DGKK: variants seen among roughly 807,000 people sequenced by gnomAD.
The protein encoded by DGKK is diacylglycerol kinase kappa, also known as 142 kDa diacylglycerol kinase.
DGKK carries 35 observed loss-of-function variants against 92.2 expected under a neutral mutation model. That is an observed-to-expected ratio of 0.38 (90% CI 0.29 to 0.50). The LOEUF is 0.50. Among genes scored for constraint, DGKK ranks in the 20% least tolerant of loss-of-function variants. DGKK has a pLI of 0.92. For missense variants in DGKK, 910 were observed against 992.2 expected, an observed-to-expected ratio of 0.92 and a Z score of 1.11; for synonymous variants, 368 against 360.6, an observed-to-expected ratio of 1.02 and a Z score of -0.23.
In DGKK at chrX:50,470,190, T is replaced by C; in HGVS notation, c.489A>G (p.Pro163=). The C allele has an allele frequency of 3.3e-6, 4 of 1,211,960 alleles. No individual in the cohort carries two copies. The highest frequency in any genetic ancestry group is 4.5e-6 in the Non-Finnish European group (4 of 895,434). Reference sequence around the variant, plus strand: ...CTGGAGCCGCCTCAGGGCAGAACTCTGGGGCCAGCTCTGTCACAGGTTCTG... The same window carrying C: ...CTGGAGCCGCCTCAGGGCAGAACTCCGGGGCCAGCTCTGTCACAGGTTCTG... ...PTPEPVTELA[P]EFCPEAAPEF... Residue 163 remains proline, a synonymous_variant, in exon 1 of 28, where the codon CCA becomes CCG. Transcript: ENST00000611977.
At chrX:50,468,263 T>C (rs1029029897) in intron 1 of DGKK, among the ~76,000 whole-genome samples, 6 of 111,851 alleles carry the variant, frequency 5.4e-5, no homozygotes, top group Non-Finnish European at 9.4e-5. Flanking sequence ...AAAGGGGAGA[T>C]GCATTCTCTG....
intron 4 of DGKK, among the ~76,000 whole-genome samples, chrX:50,417,926 T>C (rs1434239794): frequency 9.0e-6 from 1 of 111,480 alleles, no homozygotes; most frequent in Admixed American, 9.6e-5. Flanking sequence ...CAAGACATAC[T>C]TCTTGGACTC....
At chrX:50,407,697 C>T (rs1461908067) in intron 4 of DGKK, among the ~76,000 whole-genome samples, 2 of 111,717 alleles carry the variant, frequency 1.8e-5, no homozygotes, top group Non-Finnish European at 3.8e-5. Context: ...CATAACAGAA[C>T]TATTAAGCAA....
At chrX:50,434,760 C>T (rs1018140161) in intron 1 of DGKK, among the ~76,000 whole-genome samples, 2 of 111,325 alleles carry the variant, frequency 1.8e-5, no homozygotes, top group African/African-American at 6.5e-5. Context: ...AACTTTGTAA[C>T]AATATGCTGG....
intron 1 of DGKK, among the ~76,000 whole-genome samples, chrX:50,432,004 C>T (rs782040857): frequency 1.3e-3 from 143 of 111,990 alleles, no homozygotes; most frequent in African/African-American, 4.3e-3. Context: ...CTGCTGCCAT[C>T]GCTCTGCTCA....
chrX:50,379,262 A>G, intron 20 of DGKK, among the ~76,000 whole-genome samples: 1 of 102,362 alleles, frequency 9.8e-6, no homozygotes, highest in Non-Finnish European at 2.0e-5. Flanking sequence ...CGGAGGTTGC[A>G]GTGAGCTGAG....
intron 1 of DGKK, among the ~76,000 whole-genome samples, chrX:50,449,171 AC>A (rs1557232272): frequency 9.0e-6 from 1 of 111,433 alleles, no homozygotes; most frequent in East Asian, 2.9e-4. Context: ...CAAAGCAAGA[AC>A]CATGTGCCCT....
chrX:50,370,400 C>A, intron 27 of DGKK, 26 bp downstream of exon 27: 2 of 1,181,090 alleles, frequency 1.7e-6, no homozygotes, highest in Non-Finnish European at 2.3e-6. Flanking sequence ...GTCTTCATGA[C>A]CCCTCTGCCT....
intron 4 of DGKK, among the ~76,000 whole-genome samples, chrX:50,414,324 A>G (rs1296330703): frequency 1.8e-5 from 2 of 111,316 alleles, no homozygotes; most frequent in African/African-American, 6.5e-5. Flanking sequence ...AGTATTTTTA[A>G]ATAATTAAGA....
At chrX:50,370,172 C>T (rs1226493411) in intron 27 of DGKK, among the ~76,000 whole-genome samples, 2 of 111,890 alleles carry the variant, frequency 1.8e-5, no homozygotes, top group Non-Finnish European at 3.8e-5. Context: ...GAAAAATCAC[C>T]GCCTGTTTGC....
Position 50,393,252 on chromosome X carries a change from T to A in DGKK, c.1495A>T (p.Lys499Ter). The A allele has an allele frequency of 1.7e-6, 2 of 1,210,126 alleles. No homozygotes were observed. The highest frequency in any genetic ancestry group is 2.2e-6 in the Non-Finnish European group (2 of 894,507). ...SCPLLIFINS[K>*]SGDHQGIVFL... is the part of the protein sequence containing the mutation. ...ACGATCCCCTGATGATCGCCACTTT[T>A]GGAGTTGATGAAGATGAGCAAGGGA... The change falls in exon 9 of 28, where the codon AAA becomes TAA. Residue 499 changes from lysine to a stop codon, truncating the protein, a stop_gained. Coordinates refer to ENST00000611977, the MANE Select transcript of DGKK (RefSeq NM_001013742.4). LOFTEE classifies it high-confidence loss of function.
intron 15 of DGKK, among the ~76,000 whole-genome samples, chrX:50,385,442 T>C (rs1250624106): frequency 2.7e-5 from 3 of 112,139 alleles, no homozygotes; most frequent in Admixed American, 9.4e-5. Flanking sequence ...AAATCTAACA[T>C]ATGTGTTGAT....
intron 25 of DGKK, among the ~76,000 whole-genome samples, chrX:50,373,209 T>C (rs1924187975): frequency 8.9e-6 from 1 of 112,159 alleles, no homozygotes; most frequent in African/African-American, 3.2e-5. Context: ...AACTCTGAGC[T>C]CCTTACTGCC....
intron 24 of DGKK, 143 bp from the exon 25 acceptor site, chrX:50,375,200 T>C: frequency 2.2e-6 from 1 of 448,593 alleles, no homozygotes; most frequent in South Asian, 3.3e-5. Flanking sequence ...ATATTCAAAA[T>C]ATAGTACAAC....
chrX:50,439,682 G>A (rs1557231123), intron 1 of DGKK, among the ~76,000 whole-genome samples: 1 of 110,848 alleles, frequency 9.0e-6, no homozygotes, highest in Non-Finnish European at 1.9e-5. Flanking sequence ...CAGAGGTTAG[G>A]GTACTTTTGA....
rs973279925 is a variant in DGKK at position 50,376,695 on chromosome X, T to C, written c.3272+63A>G. 25 of 1,051,433 alleles carry C rather than the reference T, an allele frequency of 2.4e-5. No individual in the cohort carries two copies. The African/African-American group carries it at 4.5e-4, about 19-fold the overall frequency. The allele number at this position is 1,051,433 out of a possible 1,213,427, so 86.6% of individuals were successfully genotyped here. On this transcript the variant is annotated intron_variant, in intron 23 of 27. Transcript: ENST00000611977. ...CTCCCTAGTAGCCAATAGACACAAATTGGCTTCTTCTCCCTATGCCTTCTT... is the reference window on the plus strand; with the variant it reads ...CTCCCTAGTAGCCAATAGACACAAACTGGCTTCTTCTCCCTATGCCTTCTT...
At chrX:50,467,874 G>A (rs1557234107) in intron 1 of DGKK, among the ~76,000 whole-genome samples, 1 of 112,606 alleles carries the variant, frequency 8.9e-6, no homozygotes, top group African/African-American at 3.2e-5. Context: ...CACGTACCTA[G>A]ATCCTTTACA....
chrX:50,392,624 A>C (rs1249149937), intron 9 of DGKK, among the ~76,000 whole-genome samples, 175 bp from the exon 10 acceptor site: 4 of 112,412 alleles, frequency 3.6e-5, no homozygotes, highest in Non-Finnish European at 7.5e-5. Context: ...ACCATCCCAG[A>C]GATCAGGCTT....
At chrX:50,395,364 T>G (rs782262056) in intron 8 of DGKK, among the ~76,000 whole-genome samples, 1 of 111,074 alleles carries the variant, frequency 9.0e-6, no homozygotes, top group Non-Finnish European at 1.9e-5. Flanking sequence ...ACTTTGGGTA[T>G]GCACCCTAAT....
Sources: gnomAD v4.1 joint callset for allele counts (sites outside exome capture counted in the v4.1 genomes callset) on GRCh38, gnomAD v4.1.1 for gene constraint, MANE v1.5 for transcripts, NCBI Gene and HGNC (gene_info 2026-07-23, HGNC 2026-07-21) for gene names.